Variants in SDK1 observed in about 807,000 individuals in gnomAD.
The protein encoded by SDK1 is protein sidekick-1.
A neutral mutation model predicts 245.5 loss-of-function variants in SDK1; 157 were observed. The ratio of observed to expected loss-of-function variants is 0.64; its 90% CI spans 0.56 to 0.73. The LOEUF (loss-of-function observed/expected upper bound fraction) is 0.73. Among genes scored for constraint, SDK1 ranks in the 30% least tolerant of loss-of-function variants. SDK1 has a pLI of 0.00. For synonymous variants in SDK1, 1,647 were observed against 1,278.5 expected (o/e 1.29, Z -6.15); for missense variants, 3,583 against 3,002.3 (o/e 1.19, Z -4.52).
rs10230471 is a variant in SDK1 at position 3,563,814 on chromosome 7, A to G, written c.299-55266A>G. Among the ~76,000 whole-genome samples the G allele has an allele frequency of 2.3e-3, 356 of 152,328 alleles. 5 individuals are homozygous for G. The highest frequency in any genetic ancestry group is 7.8e-3 in the African/African-American group (324 of 41,586). On this transcript the variant is annotated intron_variant, in intron 1 of 44. Coordinates refer to ENST00000404826, the MANE Select transcript of SDK1 (RefSeq NM_152744.4). ...GTATTATGCCATATAAGAAGCCTCA[A>G]TTTCCCAGGAATGAAAGCAATAACA... is the stretch of plus-strand genomic sequence containing the variant.
At chr7:3,992,633 A>G (rs963462769) in intron 14 of SDK1, among the ~76,000 whole-genome samples, 1 of 152,226 alleles carries the variant, frequency 6.6e-6, no homozygotes, top group Non-Finnish European at 1.5e-5. Context: ...ATTATGATCA[A>G]AAATGATCTT....
At chr7:4,192,927 T>C (rs911372868) in intron 35 of SDK1, among the ~76,000 whole-genome samples, 2 of 150,678 alleles carry the variant, frequency 1.3e-5, no homozygotes, top group African/African-American at 4.9e-5. Flanking sequence ...ACTTTTACCA[T>C]ATATCCCTAT....
intron 1 of SDK1, among the ~76,000 whole-genome samples, chr7:3,385,990 A>C (rs770163474): frequency 1.3e-5 from 2 of 151,822 alleles, no homozygotes; most frequent in African/African-American, 4.8e-5. Flanking sequence ...TTTTTTCCAC[A>C]TGAGGGAAGC....
intron 1 of SDK1, among the ~76,000 whole-genome samples, chr7:3,563,897 C>T (rs1002602863): frequency 6.6e-6 from 1 of 151,994 alleles, no homozygotes; most frequent in Non-Finnish European, 1.5e-5. Flanking sequence ...AAATGATAGT[C>T]CCTAACTCCC....
intron 1 of SDK1, among the ~76,000 whole-genome samples, chr7:3,346,791 A>G (rs28395276): frequency 0.013 from 740 of 56,740 alleles, 25 homozygotes; most frequent in Non-Finnish European, 0.016. Context: ...ATATATATGT[A>G]TGTGTGTGTG....
intron 1 of SDK1, among the ~76,000 whole-genome samples, chr7:3,457,509 T>C (rs1780708713): frequency 1.3e-5 from 2 of 152,218 alleles, no homozygotes; most frequent in African/African-American, 2.4e-5. Context: ...CTATTAATTA[T>C]TGGTCATAGC....
At chr7:3,592,324 A>G (rs1241900534) in intron 1 of SDK1, among the ~76,000 whole-genome samples, 2 of 152,210 alleles carry the variant, frequency 1.3e-5, no homozygotes, top group Non-Finnish European at 2.9e-5. Flanking sequence ...CCCCCACCTT[A>G]CATTCAGATG....
intron 17 of SDK1, among the ~76,000 whole-genome samples, chr7:4,033,058 T>A (rs1787947869): frequency 6.6e-6 from 1 of 152,222 alleles, no homozygotes; most frequent in African/African-American, 2.4e-5. Flanking sequence ...CCTTTAGGTA[T>A]TAAAACATAT....
At chr7:3,847,774 A>G (rs1780316102) in intron 5 of SDK1, among the ~76,000 whole-genome samples, 2 of 152,252 alleles carry the variant, frequency 1.3e-5, no homozygotes, top group African/African-American at 4.8e-5. Flanking sequence ...TTTAAAACAA[A>G]ACCATGACAT....
At chr7:4,019,598 A>G (rs1476914565) in intron 17 of SDK1, among the ~76,000 whole-genome samples, 2 of 151,744 alleles carry the variant, frequency 1.3e-5, no homozygotes, top group Admixed American at 6.6e-5. Context: ...CTGGTTCATC[A>G]TCTATACTTA....
chr7:3,688,233 G>T (rs1346228149), intron 4 of SDK1, among the ~76,000 whole-genome samples: 2 of 152,202 alleles, frequency 1.3e-5, no homozygotes, highest in East Asian at 1.9e-4. Flanking sequence ...TTACAAGCCT[G>T]TCTGAAGTCC....
rs551588486 is a variant in SDK1, at chr7:3,501,296, A to G, written c.299-117784A>G. On this transcript the variant is annotated intron_variant, in intron 1 of 44. Transcript: ENST00000404826. ...GACTCCTTCAGTTTTCTGCTTGGCT[A>G]TTAACTGTTTTTACTATTCTTCCCT... Among the ~76,000 whole-genome samples, 112 of 151,900 alleles carry G rather than the reference A, an allele frequency of 7.4e-4. 1 individual carries two copies. Among genetic ancestry groups the G allele is most frequent in the Non-Finnish European group, 1.3e-3 (90 of 67,972 alleles).
At chr7:3,671,096 G>A (rs1013686796) in intron 4 of SDK1, among the ~76,000 whole-genome samples, 2 of 152,142 alleles carry the variant, frequency 1.3e-5, no homozygotes, top group East Asian at 1.9e-4. Context: ...AAGGCGGGGG[G>A]TGTCTTGCCT....
chr7:3,820,223 C>G (rs1390247519), intron 4 of SDK1, among the ~76,000 whole-genome samples: 2 of 152,162 alleles, frequency 1.3e-5, no homozygotes, highest in African/African-American at 2.4e-5. Context: ...GATCTCAGCT[C>G]ACTTCAGCCT....
chr7:4,129,730 C>A (rs1207316516), intron 26 of SDK1, 178 bp from the exon 27 acceptor site: 15 of 1,425,336 alleles, frequency 1.1e-5, no homozygotes, highest in Non-Finnish European at 1.4e-5. Context: ...TTTACAACCA[C>A]CTTCCTCCCC....
rs1562528494 is a variant in SDK1 at position 3,506,860 on chromosome 7, A to G, written c.299-112220A>G. On this transcript the variant is annotated intron_variant, in intron 1 of 44. Coordinates refer to ENST00000404826, the MANE Select transcript of SDK1 (RefSeq NM_152744.4). ...TTTTTTTTTTTAAATAAACACACAC[A>G]TTTATTCATTTGAATTCCTTCCTTA... Among the ~76,000 whole-genome samples, 2 of 151,766 alleles carry G rather than the reference A, an allele frequency of 1.3e-5. 1 individual carries two copies. The highest frequency in any genetic ancestry group is 3.9e-4 in the East Asian group (2 of 5,186).
chr7:3,661,637 A>G (rs1783358517), intron 4 of SDK1, among the ~76,000 whole-genome samples: 1 of 152,200 alleles, frequency 6.6e-6, no homozygotes, highest in Admixed American at 6.5e-5. Flanking sequence ...TTAGTGTGAA[A>G]TGCCCTCGGT....
intron 19 of SDK1, among the ~76,000 whole-genome samples, chr7:4,053,906 TTTG>T (rs962472292): frequency 4.0e-4 from 61 of 152,212 alleles, no homozygotes; most frequent in African/African-American, 1.4e-3. Context: ...TTTTGGGTTT[TTTG>T]TTGTTGTTGG....
At chr7:4,193,158 T>C (rs1783317152) in intron 35 of SDK1, among the ~76,000 whole-genome samples, 1 of 135,148 alleles carries the variant, frequency 7.4e-6, no homozygotes, top group Admixed American at 8.0e-5. Context: ...TTATATAATA[T>C]ATATTAAAAT....
Sources: gnomAD v4.1 joint callset for allele counts (sites outside exome capture counted in the v4.1 genomes callset) on GRCh38, gnomAD v4.1.1 for gene constraint, MANE v1.5 for transcripts, NCBI Gene and HGNC (gene_info 2026-07-23, HGNC 2026-07-21) for gene names.